The following SZRD1 variants were observed in gnomAD, a reference collection of about 807,000 sequenced individuals.
SZRD1 encodes SUZ RNA-binding domain-containing.
In SZRD1, 7 loss-of-function variants were observed where a neutral mutation model predicts 17.6. The observed-to-expected ratio is 0.40, with a 90% CI of 0.23 to 0.75. SZRD1 has a LOEUF of 0.75. Ranked by LOEUF, SZRD1 falls within the 30% of genes least tolerant of loss-of-function variation. SZRD1 has a pLI of 0.38. For synonymous variants in SZRD1, 77 were observed against 77.9 expected (o/e 0.99, Z 0.06); for missense variants, 178 against 201.8 (o/e 0.88, Z 0.71).
chr1:16,370,412 A>C (rs2082893895), intron 1 of SZRD1, among the ~76,000 whole-genome samples: 1 of 151,646 alleles, frequency 6.6e-6, no homozygotes, highest in Admixed American at 6.6e-5. Context: ...TTTTTAGTAG[A>C]GACGGGGTTT....
At chr1:16,381,616 A>T (rs1390744655) in intron 1 of SZRD1, among the ~76,000 whole-genome samples, 2 of 151,876 alleles carry the variant, frequency 1.3e-5, no homozygotes, top group African/African-American at 4.8e-5. Context: ...ATTTAAAAGA[A>T]GTGCAGCAAC....
chr1:16,369,665 G>A, intron 1 of SZRD1: 1 of 520,478 alleles, frequency 1.9e-6, no homozygotes, highest in Non-Finnish European at 3.4e-6. Flanking sequence ...GAGGTGGGTG[G>A]ATAACCTGAG....
Position 16,395,187 on chromosome 1 carries a change from G to A in SZRD1, c.*47G>A. ...GCCGTTGCTGCCGTCACCGCCTCCT[G>A]GGTCGTCCGCCACGGGTTGCACTGC... On this transcript the variant is annotated 3_prime_UTR_variant, in exon 4 of 4. Transcript: ENST00000401088. 1 of 1,406,126 alleles carries A rather than the reference G, an allele frequency of 7.1e-7. No individual in the cohort carries two copies. Among genetic ancestry groups the A allele is most frequent in the Non-Finnish European group, 1.0e-6 (1 of 991,696 alleles). The allele number at this position is 1,406,126 out of a possible 1,614,324, so 87.1% of individuals were successfully genotyped here. A position where few individuals can be genotyped will look rare whatever the true frequency, so the allele number is the denominator to read the frequency against.
intron 1 of SZRD1, among the ~76,000 whole-genome samples, chr1:16,383,861 G>GC (rs1460757731): frequency 6.6e-6 from 1 of 152,054 alleles, no homozygotes; most frequent in African/African-American, 2.4e-5. Context: ...CTCGTGATCC[G>GC]CCCGCCTGGG....
At chr1:16,380,410 C>T (rs2083080689) in intron 1 of SZRD1, among the ~76,000 whole-genome samples, 1 of 152,022 alleles carries the variant, frequency 6.6e-6, no homozygotes, top group Non-Finnish European at 1.5e-5. Context: ...TCAAGCAATC[C>T]TCCTGCCTCA....
rs892820271 is a variant in SZRD1 at position 16,376,389 on chromosome 1, G to A, written c.51+9081G>A. ...TTTGAACTCAGTGCTGAAGAGCCAA[G>A]CGATAATCCTGCTCTCAGTTATAAT... On this transcript the variant is annotated intron_variant, in intron 1 of 3. Transcript: ENST00000401088. Among the ~76,000 whole-genome samples the A allele has an allele frequency of 2.0e-5, 3 of 152,190 alleles. No individual in the cohort carries two copies. In the East Asian group the frequency reaches 5.8e-4, roughly 29 times the overall value.
Position 16,393,440 on chromosome 1 carries a change from G to C in SZRD1, c.314G>C (p.Ser105Thr), listed in dbSNP as rs1333552982. ...GAGGCCCGGAAGCGGATCCTGGGCA[G>C]CGCCAGCCCCGAGGAGGAGCAGGAG... The part of the protein sequence containing the change: ...YAEARKRILG[S>T]ASPEEEQEKP... The change falls in exon 3 of 4, where the codon AGC (serine) becomes ACC (threonine). Residue 105 changes from serine to threonine, a missense_variant. Around this residue, in one of 3 missense-constraint regions of SZRD1, gnomAD observed 57 missense variants for 71.9 expected, o/e 0.79. Coordinates refer to ENST00000401088, the MANE Select transcript of SZRD1 (RefSeq NM_001114600.3). The surrounding 1 kb of genome is among the most constrained non-coding windows in gnomAD (Gnocchi z 5.6). The C allele has an allele frequency of 6.2e-7, 1 of 1,613,860 alleles. No individual in the cohort carries two copies. Among genetic ancestry groups the C allele is most frequent in the South Asian group, 1.1e-5 (1 of 91,060 alleles).
chr1:16,373,595 AC>A (rs1443664039), intron 1 of SZRD1, among the ~76,000 whole-genome samples: 37 of 150,742 alleles, frequency 2.5e-4, no homozygotes, highest in Admixed American at 4.6e-4. Context: ...AAAAAAAAAA[AC>A]AAAACACGTT....
chr1:16,389,724 C>T (rs928568590), intron 1 of SZRD1, among the ~76,000 whole-genome samples: 12 of 152,220 alleles, frequency 7.9e-5, no homozygotes, highest in African/African-American at 2.9e-4. Context: ...GGATTATAGG[C>T]GTGAGCCACC....
At chr1:16,382,370 T>C (rs1205291051) in intron 1 of SZRD1, among the ~76,000 whole-genome samples, 1 of 151,582 alleles carries the variant, frequency 6.6e-6, no homozygotes, top group Non-Finnish European at 1.5e-5. Flanking sequence ...ATGTTTTTAG[T>C]AGAAATAGGG....
intron 1 of SZRD1, among the ~76,000 whole-genome samples, chr1:16,370,771 G>A (rs2082901054): frequency 6.6e-6 from 1 of 152,138 alleles, no homozygotes; most frequent in African/African-American, 2.4e-5. Context: ...CAGAGTTCTG[G>A]GATTATAGGC....
chr1:16,385,328 C>T (rs61770603), intron 1 of SZRD1, among the ~76,000 whole-genome samples: 12,729 of 152,158 alleles, frequency 0.084, 691 homozygotes, highest in Non-Finnish European at 0.12. Context: ...CCCCCTCTGA[C>T]CCTTGTAGTG....
intron 1 of SZRD1, among the ~76,000 whole-genome samples, chr1:16,385,581 C>T (rs1057338488): frequency 2.0e-5 from 3 of 152,136 alleles, no homozygotes; most frequent in South Asian, 2.1e-4. Context: ...CAGGAGTAAA[C>T]CTACCACTGT....
At chr1:16,373,289 T>A (rs2082943475) in intron 1 of SZRD1, among the ~76,000 whole-genome samples, 1 of 151,518 alleles carries the variant, frequency 6.6e-6, no homozygotes, top group African/African-American at 2.4e-5. Flanking sequence ...ATTTATGTTT[T>A]AAATTTTTTG....
intron 1 of SZRD1, among the ~76,000 whole-genome samples, chr1:16,388,288 C>T (rs749330888): frequency 5.9e-5 from 9 of 152,036 alleles, no homozygotes; most frequent in Admixed American, 1.3e-4. Context: ...TTAGTAGAGA[C>T]GGGGTTTCAC....
chr1:16,391,480 A>C lies in SZRD1; in HGVS notation c.101+56A>C. The C allele has an allele frequency of 6.9e-7, 1 of 1,443,940 alleles. No individual in the cohort carries two copies. Among genetic ancestry groups the C allele is most frequent in the Non-Finnish European group, 9.5e-7 (1 of 1,053,400 alleles). The allele number at this position is 1,443,940 out of a possible 1,614,324, so 89.4% of individuals were successfully genotyped here. A position where few individuals can be genotyped will look rare whatever the true frequency, so the allele number is the denominator to read the frequency against. On this transcript the variant is annotated intron_variant, in intron 2 of 3. Transcript: ENST00000401088. This position sits in a 1 kb window ranked among gnomAD's most constrained non-coding sequence, Gnocchi z 4.3. ...GCTCTCTGTGGTTTGAGAGCCGGGC[A>C]GTCAGTGGTGTTCTCCAGCTGGCCA... is the stretch of plus-strand genomic sequence containing the variant.
chr1:16,373,868 G>C, intron 1 of SZRD1, among the ~76,000 whole-genome samples: 1 of 152,164 alleles, frequency 6.6e-6, no homozygotes, highest in East Asian at 1.9e-4. Context: ...CTCCCGGAGT[G>C]CTGGGATTGC....
At chr1:16,372,208 C>T (rs983715555) in intron 1 of SZRD1, among the ~76,000 whole-genome samples, 1 of 151,988 alleles carries the variant, frequency 6.6e-6, no homozygotes, top group Non-Finnish European at 1.5e-5. Context: ...CGTGGTGGCT[C>T]ACGCCTGTAA....
At chr1:16,392,537 G>GT (rs1359629699) in intron 2 of SZRD1, among the ~76,000 whole-genome samples, 1 of 152,172 alleles carries the variant, frequency 6.6e-6, no homozygotes, top group Non-Finnish European at 1.5e-5. Context: ...GCCAAGCACT[G>GT]TTTCTAGGAG....
Sources: allele counts gnomAD v4.1 joint callset (sites outside exome capture counted in the v4.1 genomes callset), GRCh38; gene constraint gnomAD v4.1.1; regional missense constraint gnomAD v4.1.1; non-coding constraint Gnocchi (gnomAD v3.1); transcripts MANE v1.5; gene names NCBI Gene and HGNC (gene_info 2026-07-23, HGNC 2026-07-21).